Variants in ARHGAP18 observed in about 807,000 individuals in gnomAD.
ARHGAP18 encodes rho GTPase-activating protein 18.
ARHGAP18 carries 67 observed loss-of-function variants against 86.2 expected under a neutral mutation model. That is an observed-to-expected ratio of 0.78 (90% confidence interval 0.64 to 0.95). The LOEUF (loss-of-function observed/expected upper bound fraction) is 0.95, where lower values mean the gene tolerates loss of function less well. Ranked by LOEUF, ARHGAP18 falls within the 40% of genes least tolerant of loss-of-function variation. The pLI is 0.00. For missense variants in ARHGAP18, 691 were observed against 780.4 expected (o/e 0.89, Z 1.37); for synonymous variants, 283 against 280.4 (o/e 1.01, Z -0.09).
intron 12 of ARHGAP18, among the ~76,000 whole-genome samples, chr6:129,593,432 GC>G (rs1295497678): frequency 3.9e-5 from 6 of 152,126 alleles, no homozygotes; most frequent in Admixed American, 3.3e-4. Flanking sequence ...TTGCACTTCA[GC>G]CTGGGTGAAA....
At chr6:129,642,079 A>G in intron 1 of ARHGAP18, 61 bp from the exon 2 acceptor site, 1 of 1,447,028 alleles carries the variant, frequency 6.9e-7, no homozygotes, top group Non-Finnish European at 9.6e-7. Flanking sequence ...ATAATTTCTA[A>G]GACATCACAG....
intron 7 of ARHGAP18, among the ~76,000 whole-genome samples, chr6:129,614,382 T>C (rs1789047768): frequency 6.6e-6 from 1 of 152,228 alleles, no homozygotes; most frequent in Non-Finnish European, 1.5e-5. Flanking sequence ...CAGATGAGTG[T>C]TATCTACAAG....
chr6:129,585,956 C>T (rs890577564), intron 12 of ARHGAP18, among the ~76,000 whole-genome samples: 3 of 152,208 alleles, frequency 2.0e-5, no homozygotes, highest in Non-Finnish European at 4.4e-5. Context: ...ACCTTGACCT[C>T]ATCCCTAAGA....
chr6:129,633,594 A>G (rs1322644399), intron 4 of ARHGAP18, among the ~76,000 whole-genome samples: 3 of 152,280 alleles, frequency 2.0e-5, no homozygotes, highest in African/African-American at 7.2e-5. Context: ...TATCTAAAAA[A>G]TTACCCCATA....
At chr6:129,697,378 C>T (rs1308870536) in intron 1 of ARHGAP18, among the ~76,000 whole-genome samples, 1 of 152,108 alleles carries the variant, frequency 6.6e-6, no homozygotes, top group African/African-American at 2.4e-5. Flanking sequence ...AAACCACCAC[C>T]TTCTCCTTCA....
Position 129,608,054 on chromosome 6 carries a change from T to C in ARHGAP18, c.1123-2A>G. On this transcript the variant is annotated splice_acceptor_variant, in intron 8 of 14. Coordinates refer to ENST00000368149, the MANE Select transcript of ARHGAP18 (RefSeq NM_033515.3). LOFTEE classifies it high-confidence loss of function. Reference sequence around the variant, plus strand: ...TGCTTCTAGTTCTTGGCAAAGATTCTGATAGGCACGAAAAAAAAAAAAAAA... The same window carrying C: ...TGCTTCTAGTTCTTGGCAAAGATTCCGATAGGCACGAAAAAAAAAAAAAAA... 1 of 1,431,188 alleles carries C rather than the reference T, an allele frequency of 7.0e-7. No individual in the cohort carries two copies. The highest frequency in any genetic ancestry group is 9.3e-7 in the Non-Finnish European group (1 of 1,069,726). The allele number at this position is 1,431,188 out of a possible 1,614,324, so 88.7% of individuals were successfully genotyped here.
intron 1 of ARHGAP18, among the ~76,000 whole-genome samples, chr6:129,695,149 A>C (rs758048311): frequency 1.3e-5 from 2 of 152,234 alleles, no homozygotes; most frequent in Non-Finnish European, 2.9e-5. Flanking sequence ...AATGGCTTCT[A>C]GGTCAAAAAA....
At chr6:129,625,052 GATTGATATATATTTATATATAAT>G (rs1789324553) in intron 5 of ARHGAP18, among the ~76,000 whole-genome samples, 1 of 65,542 alleles carries the variant, frequency 1.5e-5, no homozygotes, top group Non-Finnish European at 2.9e-5. Flanking sequence ...TAATATATAT[GATTGATATATATTTATATATAAT>G]ATATATGATA....
At chr6:129,609,015 AGAG>A (rs1335117094) in intron 8 of ARHGAP18, among the ~76,000 whole-genome samples, 2 of 148,888 alleles carry the variant, frequency 1.3e-5, no homozygotes, top group South Asian at 2.2e-4. Context: ...GAAAAAAAAA[AGAG>A]GAGGGAGGAA....
At chr6:129,647,535 C>T (rs966988390) in intron 1 of ARHGAP18, among the ~76,000 whole-genome samples, 1 of 152,142 alleles carries the variant, frequency 6.6e-6, no homozygotes. Flanking sequence ...TTTCTAAAAA[C>T]GATATACTTT....
chr6:129,694,618 C>T lies in ARHGAP18; in HGVS notation c.113+15406G>A, dbSNP rs144804475. Among the ~76,000 whole-genome samples, 236 of 152,274 alleles carry T rather than the reference C, an allele frequency of 1.5e-3. 2 individuals carry two copies. Among genetic ancestry groups the T allele is most frequent in the African/African-American group, 5.3e-3 (222 of 41,552 alleles). The stretch of plus-strand genomic sequence containing the variant: ...GAAACTATCATGTTGGAATACAAAA[C>T]GCTTAAAATGCTATTAACTGAAGAC... On this transcript the variant is annotated intron_variant, in intron 1 of 14. Transcript: ENST00000368149.
At chr6:129,620,870 T>C (rs1584054461) in intron 5 of ARHGAP18, among the ~76,000 whole-genome samples, 1 of 152,290 alleles carries the variant, frequency 6.6e-6, no homozygotes, top group African/African-American at 2.4e-5. Flanking sequence ...CCTTTTACAC[T>C]CTCATTCTCT....
chr6:129,594,876 A>G (rs1788585137), intron 12 of ARHGAP18, among the ~76,000 whole-genome samples: 1 of 152,174 alleles, frequency 6.6e-6, no homozygotes, highest in Non-Finnish European at 1.5e-5. Context: ...TAACAGCAGT[A>G]ATCCATGTTC....
At chr6:129,625,127 T>TATATATGATATATG (rs1327022254) in intron 5 of ARHGAP18, among the ~76,000 whole-genome samples, 1 of 5,938 alleles carries the variant, frequency 1.7e-4, no homozygotes, top group Non-Finnish European at 1.1e-3. Flanking sequence ...AGATATATAT[T>TATATATGATATATG]ATATATGATA....
At chr6:129,686,332 T>C (rs12211400) in intron 1 of ARHGAP18, among the ~76,000 whole-genome samples, 74,799 of 152,014 alleles carry the variant, frequency 0.49, 18,600 homozygotes, top group Admixed American at 0.56. Flanking sequence ...GCTCATCTCC[T>C]AGTGAGCTTG....
At chr6:129,588,992 T>C (rs1006804940) in intron 12 of ARHGAP18, among the ~76,000 whole-genome samples, 16 of 152,214 alleles carry the variant, frequency 1.1e-4, no homozygotes, top group African/African-American at 3.4e-4. Flanking sequence ...CAGGGCACCA[T>C]GTCCTGAGGC....
chr6:129,644,465 T>C (rs1229505510), intron 1 of ARHGAP18, among the ~76,000 whole-genome samples: 1 of 152,222 alleles, frequency 6.6e-6, no homozygotes, highest in Non-Finnish European at 1.5e-5. Flanking sequence ...CTTACCAGGA[T>C]AGCTAATGTT....
At chr6:129,672,370 TTA>T (rs1774156395) in intron 1 of ARHGAP18, among the ~76,000 whole-genome samples, 1 of 152,140 alleles carries the variant, frequency 6.6e-6, no homozygotes, top group Non-Finnish European at 1.5e-5. Context: ...TTCCATCCCT[TTA>T]TGTCAGTTCC....
chr6:129,692,247 G>T (rs1774541604), intron 1 of ARHGAP18, among the ~76,000 whole-genome samples: 1 of 152,182 alleles, frequency 6.6e-6, no homozygotes, highest in South Asian at 2.1e-4. Context: ...TTTACAAAAT[G>T]CATGCTTCCT....
Sources: allele counts gnomAD v4.1 joint callset (sites outside exome capture counted in the v4.1 genomes callset), GRCh38; gene constraint gnomAD v4.1.1; transcripts MANE v1.5; gene names NCBI Gene and HGNC (gene_info 2026-07-23, HGNC 2026-07-21).